The following MALRD1 variants were observed in gnomAD, a reference collection of about 807,000 sequenced individuals.
The protein encoded by MALRD1 is MAM and LDL-receptor class A domain-containing protein 1.
A neutral mutation model predicts 242.1 loss-of-function variants in MALRD1; 247 were observed. The ratio of observed to expected loss-of-function variants is 1.02; its 90% confidence interval spans 0.92 to 1.13. The LOEUF is 1.13. Ranked by LOEUF, MALRD1 falls within the 50% of genes most tolerant of loss-of-function variation. The pLI is 0.00. For missense variants in MALRD1, 2,989 were observed against 2,533.1 expected (o/e 1.18, Z -3.86); for synonymous variants, 995 against 866.6 (o/e 1.15, Z -2.60).
In MALRD1 at chr10:19,064,443, G is replaced by T. The variant is rs180833884; in HGVS notation, c.200-2276G>T. ...TGTGCAATTCTCTATTGAGGAAAAT[G>T]AGTATTTGGAAAATTTTCTGATGTA... is the stretch of plus-strand genomic sequence containing the variant. On this transcript the variant is annotated intron_variant, in intron 1 of 39. Transcript: ENST00000454679. 2.0e-5 allele frequency among the ~76,000 whole-genome samples: 3 copies of T among 151,518 alleles called. No homozygotes were observed. In the East Asian group the frequency reaches 5.8e-4, roughly 29 times the overall value.
rs574243594 is a variant in MALRD1, at chr10:19,320,853, T to C, written c.3420-3096T>C. ...GATGATGAGCTTTTTTTCAAGTTTG[T>C]TGGCTGCATAAATGTCTTCTTTTGA... On this transcript the variant is annotated intron_variant, in intron 21 of 39. Transcript: ENST00000454679. Among the ~76,000 whole-genome samples the C allele has an allele frequency of 5.9e-5, 9 of 152,274 alleles. No homozygotes were observed. The South Asian group carries it at 1.5e-3, about 25-fold the overall frequency.
At chr10:19,053,227 G>C (rs766903121) in intron 1 of MALRD1, among the ~76,000 whole-genome samples, 3 of 152,198 alleles carry the variant, frequency 2.0e-5, no homozygotes, top group Non-Finnish European at 4.4e-5. Flanking sequence ...GAAGACACTT[G>C]TAAGCACACG....
chr10:19,551,180 A>T (rs1835453736), intron 32 of MALRD1, among the ~76,000 whole-genome samples: 3 of 152,036 alleles, frequency 2.0e-5, no homozygotes, highest in Non-Finnish European at 2.9e-5. Context: ...CTATAAACTT[A>T]AGTTCTTTAC....
At chr10:19,242,081 C>A (rs1184006275) in intron 18 of MALRD1, among the ~76,000 whole-genome samples, 2 of 152,048 alleles carry the variant, frequency 1.3e-5, no homozygotes, top group African/African-American at 4.8e-5. Flanking sequence ...TAAAGACATA[C>A]CTGAGACTGG....
intron 31 of MALRD1, among the ~76,000 whole-genome samples, chr10:19,507,920 C>T (rs1323794394): frequency 2.0e-5 from 3 of 152,000 alleles, no homozygotes; most frequent in African/African-American, 7.2e-5. Context: ...TTTTGAAGCC[C>T]ATTTTTTTGA....
rs995539688 is a variant in MALRD1 at position 19,706,830 on chromosome 10, C to G, written c.6314+14276C>G. On this transcript the variant is annotated intron_variant, in intron 38 of 39. Coordinates refer to ENST00000454679, the MANE Select transcript of MALRD1 (RefSeq NM_001142308.3). The stretch of plus-strand genomic sequence containing the variant: ...TGAATTTGCATTATGTTTGACCACA[C>G]TGGAGCACCTTGAGACAGGAAAAAT... 5.3e-5 allele frequency among the ~76,000 whole-genome samples: 8 copies of G among 152,072 alleles called. No homozygotes were observed. In the East Asian group the frequency reaches 7.7e-4, roughly 15 times the overall value.
chr10:19,155,171 A>T lies in MALRD1; in HGVS notation c.1655A>T (p.Gln552Leu), dbSNP rs941624059. The T allele has an allele frequency of 5.0e-5, 62 of 1,230,688 alleles. No individual in the cohort carries two copies. Among genetic ancestry groups the T allele is most frequent in the Non-Finnish European group, 6.0e-5 (59 of 987,206 alleles). 76.2% of individuals were successfully genotyped at this position (1,230,688 alleles called of 1,614,324 possible). ...TTGCTCACTGCCTCTACCCCATGTCAGGTAATCAACTGTTCTGAATTTCCA... is the reference window on the plus strand; with the variant it reads ...TTGCTCACTGCCTCTACCCCATGTCTGGTAATCAACTGTTCTGAATTTCCA... ...TKLLTASTPC[Q>L]VQFWYHLSQH... The change falls in exon 12 of 40, where the codon CAG becomes CTG. Residue 552 changes from glutamine to leucine, a missense_variant and splice_region_variant. Gln to Leu is a moderately radical substitution (Grantham distance 113, BLOSUM62 -2). Transcript: ENST00000454679.
At chr10:19,200,984 A>G (rs1043929089) in intron 14 of MALRD1, among the ~76,000 whole-genome samples, 1 of 152,130 alleles carries the variant, frequency 6.6e-6, no homozygotes, top group Non-Finnish European at 1.5e-5. Context: ...AGCTTGCTAT[A>G]CACTAAACCC....
At chr10:19,607,549 A>G (rs1252749159) in intron 34 of MALRD1, among the ~76,000 whole-genome samples, 2 of 152,168 alleles carry the variant, frequency 1.3e-5, no homozygotes, top group Non-Finnish European at 2.9e-5. Context: ...GTCCCTAAGA[A>G]TGCACATCTG....
At chr10:19,410,555 G>A (rs1373978325) in intron 28 of MALRD1, among the ~76,000 whole-genome samples, 1 of 152,086 alleles carries the variant, frequency 6.6e-6, no homozygotes, top group Non-Finnish European at 1.5e-5. Context: ...TGAACATTGT[G>A]CACTTCAGGG....
At chr10:19,390,638 C>G (rs1456847929) in intron 28 of MALRD1, among the ~76,000 whole-genome samples, 1 of 151,708 alleles carries the variant, frequency 6.6e-6, no homozygotes, top group Non-Finnish European at 1.5e-5. Flanking sequence ...TCCAAGAAAG[C>G]TTACTTTAAA....
intron 33 of MALRD1, among the ~76,000 whole-genome samples, chr10:19,579,995 T>C (rs769095192): frequency 2.0e-5 from 3 of 152,130 alleles, no homozygotes; most frequent in African/African-American, 4.8e-5. Context: ...CAACATTGCA[T>C]ATAATTGTGG....
At chr10:19,261,357 A>G (rs1375385172) in intron 19 of MALRD1, among the ~76,000 whole-genome samples, 1 of 152,054 alleles carries the variant, frequency 6.6e-6, no homozygotes, top group Non-Finnish European at 1.5e-5. Context: ...TCAAAACCAC[A>G]AGGCTTGTTG....
intron 1 of MALRD1, among the ~76,000 whole-genome samples, chr10:19,050,378 C>T (rs1366485080): frequency 2.7e-5 from 4 of 150,310 alleles, no homozygotes; most frequent in Non-Finnish European, 4.4e-5. Context: ...TGAGCCACCG[C>T]GCCCGGCCTT....
intron 19 of MALRD1, among the ~76,000 whole-genome samples, chr10:19,268,508 G>A (rs1840059296): frequency 6.6e-6 from 1 of 152,074 alleles, no homozygotes; most frequent in Non-Finnish European, 1.5e-5. Flanking sequence ...ATATTCTAAA[G>A]AGACTGTTTA....
chr10:19,059,958 G>A (rs1459988636), intron 1 of MALRD1, among the ~76,000 whole-genome samples: 2 of 152,186 alleles, frequency 1.3e-5, no homozygotes, highest in Non-Finnish European at 2.9e-5. Flanking sequence ...TGCAAGTAAA[G>A]TAATTTGTCA....
chr10:19,109,052 G>T (rs1836579103), intron 5 of MALRD1, among the ~76,000 whole-genome samples: 1 of 152,050 alleles, frequency 6.6e-6, no homozygotes, highest in Non-Finnish European at 1.5e-5. Flanking sequence ...TATTGGTTAG[G>T]TAGGGTACAC....
intron 38 of MALRD1, among the ~76,000 whole-genome samples, chr10:19,719,228 A>ATGTG (rs1834606240): frequency 3.3e-5 from 1 of 30,234 alleles, no homozygotes; most frequent in East Asian, 9.0e-4. Context: ...ACATACATAT[A>ATGTG]TATATATATA....
rs148240968 is a variant in MALRD1, at chr10:19,259,178, C to T, written c.3079+1407C>T. ...CTATGACTTTCTATCTCATTCAGAG[C>T]AAACCTCAAACTAATGATAGCTTCC... On this transcript the variant is annotated intron_variant, in intron 19 of 39. Transcript: ENST00000454679. Among the ~76,000 whole-genome samples the T allele has an allele frequency of 5.9e-5, 9 of 152,220 alleles. No homozygotes were observed. In the East Asian group the frequency reaches 1.2e-3, roughly 20 times the overall value.
Sources: gnomAD v4.1 joint callset for allele counts (sites outside exome capture counted in the v4.1 genomes callset) on GRCh38, gnomAD v4.1.1 for gene constraint, MANE v1.5 for transcripts, NCBI Gene and HGNC (gene_info 2026-07-23, HGNC 2026-07-21) for gene names.